ROBO1: variants seen among roughly 807,000 people sequenced by gnomAD.
ROBO1 encodes roundabout guidance receptor 1.
ROBO1 carries 149 observed loss-of-function variants against 195.9 expected under a neutral mutation model. The observed-to-expected ratio is 0.76, with a 90% CI of 0.67 to 0.87. The LOEUF is 0.87. ROBO1 is among the 40% of genes least tolerant of loss of function. The probability of loss-of-function intolerance (pLI) is 0.00; values close to 1 mark genes in which losing one functional copy is unlikely to be tolerated. For missense variants in ROBO1, 1,933 were observed against 2,068.3 expected (o/e 0.93, Z 1.27); for synonymous variants, 816 against 733.2 (o/e 1.11, Z -1.82).
chr3:78,902,014 T>C (rs2037621383), intron 4 of ROBO1, among the ~76,000 whole-genome samples: 1 of 152,202 alleles, frequency 6.6e-6, no homozygotes, highest in South Asian at 2.1e-4. Context: ...CACATCCATC[T>C]CAACCTCTGG....
At chr3:79,554,984 C>T (rs915072012) in intron 2 of ROBO1, among the ~76,000 whole-genome samples, 1 of 151,962 alleles carries the variant, frequency 6.6e-6, no homozygotes, top group African/African-American at 2.4e-5. Flanking sequence ...TAGCAGGATA[C>T]ATGTAATGAC....
intron 5 of ROBO1, among the ~76,000 whole-genome samples, chr3:78,724,277 T>C (rs1344640462): frequency 6.6e-6 from 1 of 152,104 alleles, no homozygotes. Context: ...ATGGAATACA[T>C]GGTGGGCTGT....
At chr3:79,382,534 A>G (rs2036609046) in intron 2 of ROBO1, among the ~76,000 whole-genome samples, 1 of 152,122 alleles carries the variant, frequency 6.6e-6, no homozygotes, top group African/African-American at 2.4e-5. Flanking sequence ...TTTTCTGGTG[A>G]TATAATCTGA....
At chr3:79,499,401 A>G (rs1939933128) in intron 2 of ROBO1, among the ~76,000 whole-genome samples, 1 of 152,246 alleles carries the variant, frequency 6.6e-6, no homozygotes, top group African/African-American at 2.4e-5. Flanking sequence ...ACATCTGTAA[A>G]GCAAACTAAA....
chr3:79,716,405 TC>T (rs1386965189), intron 1 of ROBO1, among the ~76,000 whole-genome samples: 1 of 151,950 alleles, frequency 6.6e-6, no homozygotes. Context: ...ATTCTGTAAA[TC>T]CCAAAGATTA....
intron 2 of ROBO1, among the ~76,000 whole-genome samples, chr3:79,314,157 T>A (rs535670587): frequency 6.6e-6 from 1 of 152,238 alleles, no homozygotes; most frequent in Non-Finnish European, 1.5e-5. Context: ...TCATCTTTAC[T>A]TGGATTTTGT....
At chr3:78,978,502 A>G (rs1001853228) in intron 3 of ROBO1, among the ~76,000 whole-genome samples, 3 of 152,122 alleles carry the variant, frequency 2.0e-5, no homozygotes, top group African/African-American at 7.2e-5. Context: ...TATTGCCCAT[A>G]TTATCCCTAA....
At chr3:79,389,706 G>T (rs1012340969) in intron 2 of ROBO1, among the ~76,000 whole-genome samples, 2 of 152,104 alleles carry the variant, frequency 1.3e-5, no homozygotes, top group African/African-American at 2.4e-5. Context: ...GCACTGGATA[G>T]AGGAAAGAGC....
chr3:78,618,505 A>C (rs1704259700), intron 26 of ROBO1, among the ~76,000 whole-genome samples: 1 of 152,246 alleles, frequency 6.6e-6, no homozygotes, highest in South Asian at 2.1e-4. Context: ...TACTTTTTCA[A>C]GCAAATGAAG....
At chr3:79,529,218 C>G (rs1488109612) in intron 2 of ROBO1, among the ~76,000 whole-genome samples, 1 of 152,162 alleles carries the variant, frequency 6.6e-6, no homozygotes, top group East Asian at 1.9e-4. Context: ...TACAGTGGCT[C>G]ATGCCTGTAA....
At chr3:79,564,612 T>C (rs1012210719) in intron 2 of ROBO1, among the ~76,000 whole-genome samples, 3 of 152,062 alleles carry the variant, frequency 2.0e-5, no homozygotes, top group Non-Finnish European at 4.4e-5. Flanking sequence ...TATAATTATT[T>C]TTGTTATAAT....
At chr3:79,380,445 A>G (rs2036530468) in intron 2 of ROBO1, among the ~76,000 whole-genome samples, 1 of 152,094 alleles carries the variant, frequency 6.6e-6, no homozygotes, top group African/African-American at 2.4e-5. Context: ...ATATTTCACC[A>G]TTGACTCAAA....
At chr3:79,750,056 G>T (rs1003649426) in intron 1 of ROBO1, among the ~76,000 whole-genome samples, 4 of 152,220 alleles carry the variant, frequency 2.6e-5, no homozygotes, top group African/African-American at 7.2e-5. Flanking sequence ...GCTGTACCCT[G>T]CAAAGGCACA....
At chr3:78,983,062 C>G (rs2077034198) in intron 3 of ROBO1, among the ~76,000 whole-genome samples, 1 of 152,070 alleles carries the variant, frequency 6.6e-6, no homozygotes, top group African/African-American at 2.4e-5. Context: ...TGTGAACCAC[C>G]ACACCAAGCT....
At chr3:78,884,144 G>T (rs2036356932) in intron 4 of ROBO1, among the ~76,000 whole-genome samples, 1 of 152,092 alleles carries the variant, frequency 6.6e-6, no homozygotes, top group East Asian at 1.9e-4. Context: ...ACAGTTAGAT[G>T]CCAAGCAAAG....
intron 4 of ROBO1, among the ~76,000 whole-genome samples, chr3:78,856,435 T>C (rs1172266713): frequency 6.6e-5 from 10 of 151,990 alleles, no homozygotes; most frequent in Admixed American, 5.9e-4. Flanking sequence ...TACAAGGATG[T>C]CATCCTGAGA....
intron 2 of ROBO1, among the ~76,000 whole-genome samples, chr3:79,214,308 C>T (rs2082016591): frequency 6.6e-6 from 1 of 152,016 alleles, no homozygotes; most frequent in Admixed American, 6.6e-5. Flanking sequence ...AAAGAAAAGG[C>T]AAGTGTAGAA....
At chr3:79,306,918 C>T (rs977559094) in intron 2 of ROBO1, among the ~76,000 whole-genome samples, 1 of 152,020 alleles carries the variant, frequency 6.6e-6, no homozygotes, top group Admixed American at 6.6e-5. Context: ...TTTATGATGC[C>T]AGATTATTCA....
chr3:78,978,801 T>A (rs773590758), intron 3 of ROBO1, among the ~76,000 whole-genome samples: 31 of 152,310 alleles, frequency 2.0e-4, no homozygotes, highest in Non-Finnish European at 3.8e-4. Flanking sequence ...TTAAACTGAA[T>A]GAGTTAATTT....
Sources: gnomAD v4.1 joint callset for allele counts (sites outside exome capture counted in the v4.1 genomes callset) on GRCh38, gnomAD v4.1.1 for gene constraint, MANE v1.5 for transcripts, NCBI Gene and HGNC (gene_info 2026-07-23, HGNC 2026-07-21) for gene names.